PSORS1C1: variants seen among roughly 807,000 people sequenced by gnomAD.
PSORS1C1 encodes the protein psoriasis susceptibility 1 candidate gene 1 protein.
A neutral mutation model predicts 9.4 loss-of-function variants in PSORS1C1; 7 were observed. The observed-to-expected ratio is 0.75, with a 90% CI of 0.42 to 1.40. The LOEUF (loss-of-function observed/expected upper bound fraction) is 1.40, where lower values mean the gene tolerates loss of function less well. Ranked by LOEUF, PSORS1C1 falls within the 40% of genes most tolerant of loss-of-function variation. The pLI, the probability that PSORS1C1 is intolerant of heterozygous loss-of-function variation, is 0.01. For synonymous variants in PSORS1C1, 63 were observed against 69.4 expected (o/e 0.91, Z 0.46); for missense variants, 146 against 178.1 (o/e 0.82, Z 1.02).
At chr6:31,125,530 T>C (rs988953291) in intron 1 of PSORS1C1, 146 bp from the exon 2 acceptor site, 1 of 152,262 alleles carries the variant, frequency 6.6e-6, no homozygotes, top group African/African-American at 2.4e-5. Flanking sequence ...CCCAATCAGG[T>C]GTTCCGAACA....
intron 2 of PSORS1C1, among the ~76,000 whole-genome samples, chr6:31,129,359 C>G (rs1226603462): frequency 6.6e-6 from 1 of 152,152 alleles, no homozygotes; most frequent in Non-Finnish European, 1.5e-5. Flanking sequence ...AGAGAGGAAC[C>G]AGCATTGTCT....
At chr6:31,134,334 G>C (rs113756979) in intron 3 of PSORS1C1, among the ~76,000 whole-genome samples, 1 of 150,636 alleles carries the variant, frequency 6.6e-6, no homozygotes, top group Admixed American at 6.6e-5. Flanking sequence ...ATGGAGTCTC[G>C]CTCTGTCGCC....
At chr6:31,127,973 G>A (rs1772758440) in intron 2 of PSORS1C1, among the ~76,000 whole-genome samples, 2 of 152,224 alleles carry the variant, frequency 1.3e-5, no homozygotes, top group Admixed American at 1.3e-4. Flanking sequence ...AGCTCCCTGA[G>A]GGCAGGGCCC....
chr6:31,129,594 G>A lies in PSORS1C1; in HGVS notation c.-39G>A, dbSNP rs1772819046. On this transcript the variant is annotated 5_prime_UTR_variant, in exon 3 of 6. Transcript: ENST00000259881. ...CCTGGGAAGAATTGGTTTGCAGCCA[G>A]GCAGTCCTCCATCCAGTCTTGACTT... 1.3e-6 allele frequency: 1 copy of A among 779,570 alleles called. No individual in the cohort carries two copies. The highest frequency in any genetic ancestry group is 2.4e-6 in the Non-Finnish European group (1 of 418,010). 48.3% of individuals were successfully genotyped at this position (779,570 alleles called of 1,614,324 possible).
intron 1 of PSORS1C1, chr6:31,116,369 C>T (rs909057443): frequency 8.1e-6 from 13 of 1,609,930 alleles, no homozygotes; most frequent in African/African-American, 2.7e-5. Flanking sequence ...GAAGCACTGC[C>T]GCAGGGATGG....
intron 1 of PSORS1C1, chr6:31,116,923 G>A (rs1440839659): frequency 6.2e-7 from 1 of 1,614,170 alleles, no homozygotes; most frequent in South Asian, 1.1e-5. Context: ...CGAGACGATG[G>A]GCCCTCCACT....
At chr6:31,136,571 G>T (rs1237450764) in intron 3 of PSORS1C1, among the ~76,000 whole-genome samples, 1 of 151,980 alleles carries the variant, frequency 6.6e-6, no homozygotes, top group East Asian at 1.9e-4. Flanking sequence ...CTTAAAACTG[G>T]TCCTGCCGAC....
At chr6:31,117,747 C>G in intron 1 of PSORS1C1, 2 of 586,038 alleles carry the variant, frequency 3.4e-6, no homozygotes, top group Non-Finnish European at 6.1e-6. Context: ...TGGGCAAACA[C>G]CAACCAGAAA....
In PSORS1C1 at chr6:31,115,569, C is replaced by A; in HGVS notation, c.-229+678C>A. 5.6e-6 allele frequency: 1 copy of A among 177,518 alleles called. No homozygotes were observed. Among genetic ancestry groups the A allele is most frequent in the Non-Finnish European group, 1.2e-5 (1 of 83,248 alleles). 11.0% of individuals were successfully genotyped at this position (177,518 alleles called of 1,614,324 possible). ...TCGAAGAAAGGTCAGTGAAAAGTGG[C>A]CACTGTTTCCAGATGATGGTTTGAC... is the stretch of plus-strand genomic sequence containing the variant. On this transcript the variant is annotated intron_variant, in intron 1 of 5. Transcript: ENST00000259881. The surrounding 1 kb of genome is among the most constrained non-coding windows in gnomAD (Gnocchi z 4.2).
chr6:31,121,145 G>C (rs2239520), intron 1 of PSORS1C1, among the ~76,000 whole-genome samples: 1 of 144,514 alleles, frequency 6.9e-6, no homozygotes, highest in African/African-American at 2.6e-5. Context: ...GCTTCTGGGG[G>C]CCTCTGGGGA....
Position 31,138,797 on chromosome 6 carries a change from C to A in PSORS1C1, c.167+18C>A. ...CATTTCTGGTGAGAGCCAAATGCAC[C>A]TTCTGCACCATGTCCCCCACCCAAT... is the stretch of plus-strand genomic sequence containing the variant. On this transcript the variant is annotated intron_variant, in intron 5 of 5. Coordinates refer to ENST00000259881, the MANE Select transcript of PSORS1C1 (RefSeq NM_014068.3). 6.2e-7 allele frequency: 1 copy of A among 1,614,090 alleles called. No individual in the cohort carries two copies. Among genetic ancestry groups the A allele is most frequent in the Non-Finnish European group, 8.5e-7 (1 of 1,179,988 alleles).
chr6:31,116,735 C>G, intron 1 of PSORS1C1: 1 of 1,612,992 alleles, frequency 6.2e-7, no homozygotes, highest in Non-Finnish European at 8.5e-7. Context: ...TCGTAGCCAC[C>G]ATAGGATTTG....
intron 3 of PSORS1C1, chr6:31,138,200 C>G: frequency 6.4e-7 from 1 of 1,573,598 alleles, no homozygotes; most frequent in Non-Finnish European, 8.6e-7. Context: ...GTGCCCCTGG[C>G]CAAGGGTCAC....
At chr6:31,114,990 G>A (rs1772029169) in intron 1 of PSORS1C1, 99 bp downstream of exon 1, 1 of 427,196 alleles carries the variant, frequency 2.3e-6, no homozygotes, top group Admixed American at 2.6e-5. Context: ...GGGGAAGGGG[G>A]ACCCCACGGT....
At chr6:31,135,352 C>G (rs1773096091) in intron 3 of PSORS1C1, among the ~76,000 whole-genome samples, 1 of 151,982 alleles carries the variant, frequency 6.6e-6, no homozygotes, top group Admixed American at 6.6e-5. Flanking sequence ...TTCTCATGCC[C>G]TAGCTTCCCG....
At chr6:31,130,843 T>G (rs1239336524) in intron 3 of PSORS1C1, among the ~76,000 whole-genome samples, 2 of 151,704 alleles carry the variant, frequency 1.3e-5, no homozygotes, top group African/African-American at 4.8e-5. Flanking sequence ...CCACTGTGCC[T>G]GGCCCTTTTT....
At chr6:31,126,724 C>A (rs1772696500) in intron 2 of PSORS1C1, among the ~76,000 whole-genome samples, 1 of 152,158 alleles carries the variant, frequency 6.6e-6, no homozygotes, top group Non-Finnish European at 1.5e-5. Flanking sequence ...GCCACTGAAT[C>A]CTGAAAGAGG....
chr6:31,126,159 C>A (rs1420104895), intron 2 of PSORS1C1, among the ~76,000 whole-genome samples: 1 of 152,196 alleles, frequency 6.6e-6, no homozygotes, highest in African/African-American at 2.4e-5. Flanking sequence ...TGTGTCCTGC[C>A]CTCATTCCTC....
intron 1 of PSORS1C1, chr6:31,116,520 C>G (rs765478855): frequency 1.2e-6 from 2 of 1,612,798 alleles, no homozygotes; most frequent in Admixed American, 3.3e-5. Context: ...ATGCAATGGC[C>G]GAGGAAGCTG....
Sources: allele counts gnomAD v4.1 joint callset (sites outside exome capture counted in the v4.1 genomes callset), GRCh38; gene constraint gnomAD v4.1.1; non-coding constraint Gnocchi (gnomAD v3.1); transcripts MANE v1.5; gene names NCBI Gene and HGNC (gene_info 2026-07-23, HGNC 2026-07-21).